The following STRBP variants were observed in gnomAD, a reference collection of about 807,000 sequenced individuals.
STRBP encodes the protein spermatid perinuclear RNA binding protein, also known as spermatid perinuclear RNA-binding protein.
Under a neutral mutation model 80.1 loss-of-function variants are expected in STRBP, and 13 were observed. The ratio of observed to expected loss-of-function variants is 0.16; its 90% CI spans 0.11 to 0.26. The LOEUF (loss-of-function observed/expected upper bound fraction) is 0.26. Among genes scored for constraint, STRBP ranks in the 10% least tolerant of loss-of-function variants. STRBP has a pLI of 1.00. For synonymous variants in STRBP, 284 were observed against 291.2 expected (o/e 0.98, Z 0.25); for missense variants, 485 against 815.2 (o/e 0.59, Z 4.93).
At chr9:123,244,947 C>T (rs1447619709) in intron 1 of STRBP, among the ~76,000 whole-genome samples, 1 of 152,180 alleles carries the variant, frequency 6.6e-6, no homozygotes, top group Non-Finnish European at 1.5e-5. Context: ...ACTTCCCTAC[C>T]TACCATGGAA....
intron 2 of STRBP, among the ~76,000 whole-genome samples, chr9:123,230,822 A>C (rs1588135557): frequency 6.6e-6 from 1 of 152,314 alleles, no homozygotes; most frequent in East Asian, 1.9e-4. Context: ...TACTTTTTTC[A>C]AGAACACATG....
intron 1 of STRBP, among the ~76,000 whole-genome samples, chr9:123,251,990 G>A (rs2040927136): frequency 6.6e-6 from 1 of 151,984 alleles, no homozygotes; most frequent in African/African-American, 2.4e-5. Context: ...TGCTATAAGG[G>A]AGCAAATCCC....
chr9:123,227,651 C>T (rs1288742614), intron 2 of STRBP, among the ~76,000 whole-genome samples: 5 of 150,414 alleles, frequency 3.3e-5, no homozygotes, highest in East Asian at 1.9e-4. Flanking sequence ...CTGCAACCTC[C>T]GCCTCCCAGG....
Position 123,122,618 on chromosome 9 carries a change from C to A in STRBP, c.*2979G>T. ...TGAGGTATGTTGGAAATCTACTGGA[C>A]CAATTACCTTGCACAAGAGATGGGG... is the stretch of plus-strand genomic sequence containing the variant. On this transcript the variant is annotated 3_prime_UTR_variant, in exon 19 of 19. Coordinates refer to ENST00000348403, the MANE Select transcript of STRBP (RefSeq NM_018387.5). The A allele has an allele frequency of 9.4e-7, 1 of 1,061,776 alleles. No individual in the cohort carries two copies. 65.8% of individuals were successfully genotyped at this position (1,061,776 alleles called of 1,614,324 possible).
chr9:123,157,996 A>G lies in STRBP; in HGVS notation c.1045+16T>C. ...AGTGCCAACCCCCAACCCTAATAAA[A>G]AACTTCCATGCTCACCTTCTTTATC... On this transcript the variant is annotated intron_variant, in intron 11 of 18. Transcript: ENST00000348403. The G allele has an allele frequency of 9.4e-6, 15 of 1,594,858 alleles. No homozygotes were observed. Among genetic ancestry groups the G allele is most frequent in the Non-Finnish European group, 1.3e-5 (15 of 1,163,740 alleles).
At chr9:123,180,068 A>G (rs1236144379) in intron 3 of STRBP, among the ~76,000 whole-genome samples, 1 of 152,112 alleles carries the variant, frequency 6.6e-6, no homozygotes, top group African/African-American at 2.4e-5. Flanking sequence ...CAGCCTGGGT[A>G]ATGTAGCAAG....
intron 2 of STRBP, among the ~76,000 whole-genome samples, chr9:123,216,762 A>C (rs1250338727): frequency 6.6e-6 from 1 of 152,182 alleles, no homozygotes; most frequent in Admixed American, 6.5e-5. Flanking sequence ...GTGAGCCTTC[A>C]TTTTTTATCT....
chr9:123,179,329 C>T (rs1211644609), intron 3 of STRBP, 102 bp from the exon 4 acceptor site: 10 of 967,858 alleles, frequency 1.0e-5, no homozygotes, highest in Non-Finnish European at 1.5e-5. Flanking sequence ...CACTGACTGT[C>T]TACTGTGAAA....
At chr9:123,164,078 A>C (rs1453765995) in intron 6 of STRBP, among the ~76,000 whole-genome samples, 1 of 152,098 alleles carries the variant, frequency 6.6e-6, no homozygotes, top group African/African-American at 2.4e-5. Context: ...ACAGAATCTC[A>C]CTCTGTAGCC....
intron 1 of STRBP, among the ~76,000 whole-genome samples, chr9:123,241,215 C>T (rs2040688178): frequency 1.3e-5 from 2 of 151,092 alleles, no homozygotes; most frequent in South Asian, 4.2e-4. Flanking sequence ...TTAAAAAGGA[C>T]TATCAACTGG....
chr9:123,259,075 AG>A (rs1379471598), intron 1 of STRBP, among the ~76,000 whole-genome samples: 2,698 of 141,880 alleles, frequency 0.019, 51 homozygotes, highest in African/African-American at 0.05. Context: ...AAAAAAAAAA[AG>A]GGGGGGGGAT....
Position 123,160,951 on chromosome 9 carries a change from C to A in STRBP, c.627+26G>T, listed in dbSNP as rs745636862. ...ATGAAACTTGGACAAACTTTAATAA[C>A]AATAAGATAGTAAGAAAAAGCCAAC... On this transcript the variant is annotated intron_variant, in intron 7 of 18. Transcript: ENST00000348403. The A allele has an allele frequency of 3.2e-6, 5 of 1,568,738 alleles. No homozygotes were observed. The South Asian group carries it at 4.8e-5, about 15-fold the overall frequency.
At chr9:123,236,070 A>C (rs1318032585) in intron 2 of STRBP, among the ~76,000 whole-genome samples, 1 of 152,234 alleles carries the variant, frequency 6.6e-6, no homozygotes, top group Non-Finnish European at 1.5e-5. Context: ...GAATACAAAA[A>C]TACTCAAAAT....
Position 123,125,352 on chromosome 9 carries a change from G to A in STRBP, c.*245C>T. The A allele has an allele frequency of 2.5e-6, 3 of 1,186,670 alleles. No individual in the cohort carries two copies. Among genetic ancestry groups the A allele is most frequent in the Non-Finnish European group, 3.1e-6 (3 of 959,638 alleles). The allele number at this position is 1,186,670 out of a possible 1,614,324, so 73.5% of individuals were successfully genotyped here. A position where few individuals can be genotyped will look rare whatever the true frequency, so the allele number is the denominator to read the frequency against. ...GCTAGACTTTTATTTCCCTAGAACA[G>A]AAGGGCTGGTATAAGTTATTTTCCA... On this transcript the variant is annotated 3_prime_UTR_variant, in exon 19 of 19. Transcript: ENST00000348403.
intron 1 of STRBP, among the ~76,000 whole-genome samples, chr9:123,249,868 CCAGAGTA>C (rs2040875971): frequency 6.6e-6 from 1 of 152,128 alleles, no homozygotes; most frequent in Non-Finnish European, 1.5e-5. Flanking sequence ...CTCATTCTTT[CCAGAGTA>C]CAGAGTTTCC....
chr9:123,164,606 C>T (rs1313615914), intron 6 of STRBP, among the ~76,000 whole-genome samples: 1 of 152,064 alleles, frequency 6.6e-6, no homozygotes, highest in East Asian at 1.9e-4. Context: ...GGCAAAAAAA[C>T]AAAACATGAT....
chr9:123,157,314 C>T (rs762958517), intron 11 of STRBP, among the ~76,000 whole-genome samples: 1 of 152,112 alleles, frequency 6.6e-6, no homozygotes, highest in Non-Finnish European at 1.5e-5. Context: ...ATAGTGATAA[C>T]GTCTCCTCCT....
At chr9:123,210,532 T>A (rs2039670926) in intron 2 of STRBP, among the ~76,000 whole-genome samples, 1 of 151,818 alleles carries the variant, frequency 6.6e-6, no homozygotes, top group Non-Finnish European at 1.5e-5. Flanking sequence ...GAAACATTAT[T>A]ATAAAAAATG....
Position 123,147,848 on chromosome 9 carries a change from C to T in STRBP, c.1068G>A (p.Lys356=). The T allele has an allele frequency of 1.9e-6, 3 of 1,612,682 alleles. No individual in the cohort carries two copies. Among genetic ancestry groups the T allele is most frequent in the Non-Finnish European group, 2.5e-6 (3 of 1,179,440 alleles). Residue 356 remains lysine, a synonymous_variant, in exon 12 of 19, where the codon AAG becomes AAA. Transcript: ENST00000348403. ...DKEGAGSSAL[K]RPFEDGLGDD... is the part of the protein sequence containing the mutation. Reference sequence around the variant, plus strand: ...CCCCTAATCCATCTTCAAATGGCCTCTTTAGAGCTGAAGACCCAGCACCTA... The same window carrying T: ...CCCCTAATCCATCTTCAAATGGCCTTTTTAGAGCTGAAGACCCAGCACCTA...
Sources: gnomAD v4.1 joint callset for allele counts (sites outside exome capture counted in the v4.1 genomes callset) on GRCh38, gnomAD v4.1.1 for gene constraint, MANE v1.5 for transcripts, NCBI Gene and HGNC (gene_info 2026-07-23, HGNC 2026-07-21) for gene names.